Variants in PDZRN4 observed in about 807,000 individuals in gnomAD.
PDZRN4 encodes the protein PDZ domain-containing RING finger protein 4.
In PDZRN4, 70 loss-of-function variants were observed where a neutral mutation model predicts 99.0. The observed-to-expected ratio is 0.71, with a 90% CI of 0.58 to 0.86. The LOEUF is 0.86. Ranked by LOEUF, PDZRN4 falls within the 40% of genes least tolerant of loss-of-function variation. PDZRN4 has a pLI of 0.00. For synonymous variants in PDZRN4, 551 were observed against 501.6 expected (o/e 1.10, Z -1.32); for missense variants, 1,474 against 1,331.2 (o/e 1.11, Z -1.67).
At chr12:41,516,801 A>T (rs969972277) in intron 5 of PDZRN4, among the ~76,000 whole-genome samples, 2 of 151,436 alleles carry the variant, frequency 1.3e-5, no homozygotes, top group Non-Finnish European at 2.9e-5. Flanking sequence ...AAAGTATCCT[A>T]GACAATACAT....
At chr12:41,308,882 A>C (rs1951588080) in intron 3 of PDZRN4, among the ~76,000 whole-genome samples, 1 of 152,134 alleles carries the variant, frequency 6.6e-6, no homozygotes, top group African/African-American at 2.4e-5. Flanking sequence ...TTCCTAAGAA[A>C]CCATTATGCA....
At chr12:41,501,327 G>A (rs575500270) in intron 3 of PDZRN4, among the ~76,000 whole-genome samples, 1 of 152,054 alleles carries the variant, frequency 6.6e-6, no homozygotes, top group Non-Finnish European at 1.5e-5. Context: ...AATCAAAAAA[G>A]GCTGTTTGTT....
intron 3 of PDZRN4, among the ~76,000 whole-genome samples, chr12:41,228,561 G>A (rs182503460): frequency 7.7e-4 from 117 of 152,188 alleles, no homozygotes; most frequent in African/African-American, 2.8e-3. Flanking sequence ...GTGTTAACTG[G>A]GTTAAGGATC....
At chr12:41,231,000 C>T (rs532356088) in intron 3 of PDZRN4, among the ~76,000 whole-genome samples, 57 of 152,220 alleles carry the variant, frequency 3.7e-4, no homozygotes, top group African/African-American at 1.3e-3. Context: ...TAATTCCCAT[C>T]ACTTCCCCTG....
chr12:41,499,788 C>T (rs931368369), intron 3 of PDZRN4, among the ~76,000 whole-genome samples: 2 of 151,980 alleles, frequency 1.3e-5, no homozygotes, highest in South Asian at 2.1e-4. Flanking sequence ...CATCAAAGTG[C>T]TCTGTAGAAG....
rs2125289 is a variant in PDZRN4, at chr12:41,503,159, T to C, written c.844-3297T>C. Among the ~76,000 whole-genome samples, 1,346 of 152,210 alleles carry C rather than the reference T, an allele frequency of 8.8e-3. 57 individuals are homozygous for C. In the East Asian group the frequency reaches 0.14, roughly 15 times the overall value. On this transcript the variant is annotated intron_variant, in intron 3 of 9. Coordinates refer to ENST00000402685, the MANE Select transcript of PDZRN4 (RefSeq NM_001164595.2). ...GTGTTTAGGATCATCAATGCTTGCA[T>C]TTTCTAAGGGATCATGTGTAGCAGT...
intron 3 of PDZRN4, among the ~76,000 whole-genome samples, chr12:41,343,682 C>G (rs1951833317): frequency 6.6e-6 from 1 of 151,314 alleles, no homozygotes; most frequent in Non-Finnish European, 1.5e-5. Flanking sequence ...AGTAGGGCAA[C>G]CATTGTTATC....
At chr12:41,481,456 A>G (rs1937673164) in intron 3 of PDZRN4, among the ~76,000 whole-genome samples, 1 of 152,006 alleles carries the variant, frequency 6.6e-6, no homozygotes, top group Non-Finnish European at 1.5e-5. Context: ...AACCCCCACA[A>G]TCTGCCCCTT....
At chr12:41,197,926 T>TTTTTTTTTTTTC (rs1566352706) in intron 3 of PDZRN4, among the ~76,000 whole-genome samples, 1 of 140,796 alleles carries the variant, frequency 7.1e-6, no homozygotes, top group African/African-American at 2.7e-5. Context: ...CTGGGTTTTT[T>TTTTTTTTTTTTC]TTTTTGGAGA....
At chr12:41,257,768 C>A (rs1951213307) in intron 3 of PDZRN4, among the ~76,000 whole-genome samples, 1 of 152,132 alleles carries the variant, frequency 6.6e-6, no homozygotes, top group Non-Finnish European at 1.5e-5. Context: ...AGGAGATATT[C>A]TCAAATGGAA....
At chr12:41,416,367 A>T (rs1388615598) in intron 3 of PDZRN4, among the ~76,000 whole-genome samples, 4 of 152,194 alleles carry the variant, frequency 2.6e-5, no homozygotes, top group African/African-American at 9.6e-5. Flanking sequence ...GGTTTTGGCC[A>T]GGCACAGTGG....
intron 8 of PDZRN4, among the ~76,000 whole-genome samples, chr12:41,564,427 T>C (rs1939327426): frequency 6.6e-6 from 1 of 152,160 alleles, no homozygotes; most frequent in African/African-American, 2.4e-5. Context: ...GGACAAAACA[T>C]TGTCACCAGT....
intron 3 of PDZRN4, among the ~76,000 whole-genome samples, chr12:41,392,698 T>A (rs117812381): frequency 1.0e-3 from 156 of 152,264 alleles, no homozygotes; most frequent in Non-Finnish European, 2.0e-3. Flanking sequence ...ATATTTGGGG[T>A]ATGTAGGAGC....
chr12:41,330,408 A>G (rs1418819592), intron 3 of PDZRN4, among the ~76,000 whole-genome samples: 1 of 151,512 alleles, frequency 6.6e-6, no homozygotes, highest in Non-Finnish European at 1.5e-5. Context: ...ACCTCTCTGT[A>G]TCTCAGTATC....
intron 3 of PDZRN4, among the ~76,000 whole-genome samples, chr12:41,299,804 GTATATT>G (rs1951521945): frequency 6.6e-6 from 1 of 151,884 alleles, no homozygotes; most frequent in South Asian, 2.1e-4. Context: ...AGCCATTTAA[GTATATT>G]TATATATTAA....
chr12:41,188,961 G>T lies in PDZRN4; in HGVS notation c.506G>T (p.Arg169Leu), dbSNP rs1419401992. 3 of 1,461,106 alleles carry T rather than the reference G, an allele frequency of 2.1e-6. No individual in the cohort carries two copies. Among genetic ancestry groups the T allele is most frequent in the Non-Finnish European group, 2.7e-6 (3 of 1,107,726 alleles). 90.5% of individuals were successfully genotyped at this position (1,461,106 alleles called of 1,614,324 possible). ...GPGPRVLAWR[R>L]REKALLAQLW... ...GGGCCTCGGGTCCTCGCCTGGAGGC[G>T]GCGCGAGAAGGCGCTGCTGGCGCAG... is the stretch of plus-strand genomic sequence containing the variant. Residue 169 changes from arginine (R) to leucine (L), a missense_variant, in exon 1 of 10, where the codon CGG (arginine) becomes CTG (leucine). By Grantham distance (102) the Arg-to-Leu change is moderately radical (BLOSUM62 -2). Coordinates refer to ENST00000402685, the MANE Select transcript of PDZRN4 (RefSeq NM_001164595.2).
intron 3 of PDZRN4, among the ~76,000 whole-genome samples, chr12:41,335,686 T>A (rs930711036): frequency 1.6e-4 from 25 of 152,102 alleles, no homozygotes; most frequent in Non-Finnish European, 3.1e-4. Context: ...TTTGTGGACT[T>A]CTGCTCAGTA....
chr12:41,421,527 A>G (rs1592053339), intron 3 of PDZRN4, among the ~76,000 whole-genome samples: 1 of 152,094 alleles, frequency 6.6e-6, no homozygotes, highest in Non-Finnish European at 1.5e-5. Flanking sequence ...TCTTGGAATG[A>G]TAAAATAAAT....
chr12:41,553,985 A>T (rs1939101254), intron 6 of PDZRN4, among the ~76,000 whole-genome samples: 3 of 152,192 alleles, frequency 2.0e-5, no homozygotes, highest in African/African-American at 7.2e-5. Context: ...AATGTAATTA[A>T]TGCATTTAGA....
Sources: allele counts gnomAD v4.1 joint callset (sites outside exome capture counted in the v4.1 genomes callset), GRCh38; gene constraint gnomAD v4.1.1; transcripts MANE v1.5; gene names NCBI Gene and HGNC (gene_info 2026-07-23, HGNC 2026-07-21).